Variants in TG observed in about 807,000 individuals in gnomAD.
TG encodes the protein thyroglobulin.
In TG, 270 loss-of-function variants were observed where a neutral mutation model predicts 324.7. That is an observed-to-expected ratio of 0.83 (90% CI 0.75 to 0.92). The LOEUF is 0.92. Among genes scored for constraint, TG ranks in the 40% least tolerant of loss-of-function variants. The probability of loss-of-function intolerance (pLI) is 0.00; values close to 1 mark genes in which losing one functional copy is unlikely to be tolerated. For missense variants in TG, 3,591 were observed against 3,456.4 expected, an observed-to-expected ratio of 1.04 and a Z score of -0.98; for synonymous variants, 1,401 against 1,327.0, an observed-to-expected ratio of 1.06 and a Z score of -1.21.
Position 133,047,951 on chromosome 8 carries a change from A to G in TG, c.7239+17928A>G, listed in dbSNP as rs773419175. On this transcript the variant is annotated intron_variant, in intron 41 of 47. Coordinates refer to ENST00000220616, the MANE Select transcript of TG (RefSeq NM_003235.5). ...ACAGCCAGCTGGGAAGGAGGAAGAC[A>G]GCCATTAGGATCCGGAACAAGCCCT... The G allele has an allele frequency of 1.9e-5, 28 of 1,501,960 alleles. No homozygotes were observed. In the African/African-American group the frequency reaches 3.6e-4, roughly 19 times the overall value. The allele number at this position is 1,501,960 out of a possible 1,614,324, so 93.0% of individuals were successfully genotyped here.
At chr8:132,981,568 C>A (rs938773635) in intron 34 of TG, among the ~76,000 whole-genome samples, 4 of 152,178 alleles carry the variant, frequency 2.6e-5, no homozygotes, top group African/African-American at 9.6e-5. Context: ...CATGGGGGTA[C>A]TTCTGAGCAA....
In TG at chr8:132,901,437, A is replaced by T; in HGVS notation, c.3518A>T (p.Asp1173Val). 6.2e-7 allele frequency: 1 copy of T among 1,614,216 alleles called. No individual in the cohort carries two copies. Among genetic ancestry groups the T allele is most frequent in the Non-Finnish European group, 8.5e-7 (1 of 1,180,042 alleles). Reference protein sequence around the residue: ...PGYVPACRAEDGGFSPVQCDQ... With the variant: ...PGYVPACRAEVGGFSPVQCDQ... ...TATGTCCCAGCCTGCAGGGCAGAGGATGGGGGCTTTTCCCCAGTGCAATGT... is the reference window on the plus strand; with the variant it reads ...TATGTCCCAGCCTGCAGGGCAGAGGTTGGGGGCTTTTCCCCAGTGCAATGT... The change falls in exon 16 of 48, where the codon GAT becomes GTT. Residue 1173 changes from aspartate (D) to valine (V), a missense_variant. Physicochemically the swap from Asp to Val is radical, Grantham distance 152. Transcript: ENST00000220616.
chr8:132,942,399 C>G (rs2741214), intron 26 of TG, among the ~76,000 whole-genome samples: 78,970 of 152,038 alleles, frequency 0.52, 21,903 homozygotes, highest in Non-Finnish European at 0.61. Context: ...TCCTTAGCAG[C>G]ATCAAACTGT....
intron 32 of TG, 85 bp from the exon 33 acceptor site, chr8:132,971,709 C>T (rs966231262): frequency 9.5e-6 from 9 of 948,454 alleles, no homozygotes; most frequent in African/African-American, 1.6e-5. Flanking sequence ...TTCCCCAAAG[C>T]AAGAATGACT....
Position 132,901,866 on chromosome 8 carries a change from C to G in TG, c.3634+313C>G, listed in dbSNP as rs534891044. The stretch of plus-strand genomic sequence containing the variant: ...TGTGTCTTCAGATGGGGAGAAGGAC[C>G]GTGGTTGCAGGATCTCAGTGTGATG... On this transcript the variant is annotated intron_variant, in intron 16 of 47. Coordinates refer to ENST00000220616, the MANE Select transcript of TG (RefSeq NM_003235.5). Among the ~76,000 whole-genome samples, 72 of 152,198 alleles carry G rather than the reference C, an allele frequency of 4.7e-4. 1 individual carries two copies. The highest frequency in any genetic ancestry group is 2.8e-4 in the Non-Finnish European group (19 of 68,012).
At chr8:133,001,809 T>C in intron 35 of TG, 1 of 985,472 alleles carries the variant, frequency 1.0e-6, no homozygotes, top group Non-Finnish European at 1.2e-6. Flanking sequence ...GAAAGACTTT[T>C]CCTGCCTGAA....
chr8:132,919,667 A>G (rs775680877), intron 21 of TG, 142 bp downstream of exon 21: 4 of 1,160,646 alleles, frequency 3.4e-6, no homozygotes, highest in Non-Finnish European at 5.0e-6. Context: ...TAGGATATTT[A>G]GTAGCATTGG....
In TG at chr8:132,887,521, C is replaced by G. The variant is rs573918155; in HGVS notation, c.2149C>G (p.Arg717Gly). 8.6e-5 allele frequency: 139 copies of G among 1,614,044 alleles called. 1 individual carries two copies. Among genetic ancestry groups the G allele is most frequent in the Non-Finnish European group, 1.1e-4 (135 of 1,180,040 alleles). Residue 717 changes from arginine to glycine, a missense_variant, in exon 9 of 48, where the codon CGA becomes GGA. By Grantham distance (125) the Arg-to-Gly change is moderately radical. Transcript: ENST00000220616. ...TGAGGGTCAGGCCATTCCTGGAACTCGAAGTGCAATAGGGAAGCCCAAGAA... is the reference window on the plus strand; with the variant it reads ...TGAGGGTCAGGCCATTCCTGGAACTGGAAGTGCAATAGGGAAGCCCAAGAA... Reference protein sequence around the residue: ...DAEGQAIPGTRSAIGKPKKCP... With the variant: ...DAEGQAIPGTGSAIGKPKKCP...
intron 43 of TG, among the ~76,000 whole-genome samples, chr8:133,108,180 G>T (rs1195083534): frequency 1.3e-5 from 2 of 151,616 alleles, no homozygotes; most frequent in African/African-American, 4.8e-5. Flanking sequence ...TAGAGATGGG[G>T]TTTCACTGTG....
chr8:132,932,654 A>G (rs1822889959), intron 23 of TG, among the ~76,000 whole-genome samples: 1 of 152,220 alleles, frequency 6.6e-6, no homozygotes. Flanking sequence ...TTACTCATGA[A>G]TATTACACAG....
chr8:133,051,009 A>C, intron 41 of TG: 1 of 705,588 alleles, frequency 1.4e-6, no homozygotes, highest in Admixed American at 2.4e-5. Context: ...TGAAGATGAG[A>C]TTTTCCAGCA....
At chr8:132,969,817 G>A (rs1829222731) in intron 32 of TG, among the ~76,000 whole-genome samples, 1 of 150,254 alleles carries the variant, frequency 6.7e-6, no homozygotes, top group Non-Finnish European at 1.5e-5. Context: ...AGGAGGCTGA[G>A]GCAGAAGAAT....
chr8:133,018,142 T>C (rs1835217363), intron 38 of TG, 145 bp downstream of exon 38: 4 of 851,406 alleles, frequency 4.7e-6, no homozygotes, highest in South Asian at 4.3e-5. Context: ...AAGATATCAT[T>C]AAGTGCTGTG....
At chr8:133,069,212 T>C (rs1211419139) in intron 41 of TG, among the ~76,000 whole-genome samples, 1 of 152,268 alleles carries the variant, frequency 6.6e-6, no homozygotes, top group Non-Finnish European at 1.5e-5. Flanking sequence ...CCGTGATTTC[T>C]TTATTGCATC....
chr8:132,888,629 GT>G, intron 10 of TG, 61 bp downstream of exon 10: 1 of 1,444,206 alleles, frequency 6.9e-7, no homozygotes. Flanking sequence ...GTGTATGTGT[GT>G]TTAACATATA....
chr8:133,057,355 T>C (rs1841636980), intron 41 of TG, among the ~76,000 whole-genome samples: 1 of 152,228 alleles, frequency 6.6e-6, no homozygotes. Context: ...CAGAAGTATG[T>C]ATAGAATTGT....
intron 40 of TG, among the ~76,000 whole-genome samples, chr8:133,029,234 A>G (rs1836391403): frequency 6.9e-6 from 1 of 144,688 alleles, no homozygotes; most frequent in Admixed American, 6.9e-5. Context: ...TTTTATTTAA[A>G]AAAAAAAATA....
intron 25 of TG, among the ~76,000 whole-genome samples, chr8:132,939,527 G>A (rs898775933): frequency 4.1e-4 from 63 of 152,286 alleles, no homozygotes; most frequent in African/African-American, 1.5e-3. Flanking sequence ...ATTTGCATTC[G>A]AGGCAGAAGG....
chr8:133,132,949 T>C (rs955102174), intron 46 of TG, among the ~76,000 whole-genome samples: 6 of 152,158 alleles, frequency 3.9e-5, no homozygotes, highest in African/African-American at 1.2e-4. Flanking sequence ...AAACGTCAGG[T>C]GGCTGCAGGG....
Sources: gnomAD v4.1 joint callset for allele counts (sites outside exome capture counted in the v4.1 genomes callset) on GRCh38, gnomAD v4.1.1 for gene constraint, MANE v1.5 for transcripts, NCBI Gene and HGNC (gene_info 2026-07-23, HGNC 2026-07-21) for gene names.